TMEM178B: variants seen among roughly 807,000 people sequenced by gnomAD.
The protein encoded by TMEM178B is transmembrane protein 178B.
A neutral mutation model predicts 31.0 loss-of-function variants in TMEM178B; 5 were observed. The observed-to-expected ratio is 0.16, with a 90% CI of 0.08 to 0.34. The LOEUF (loss-of-function observed/expected upper bound fraction) is 0.34. Ranked by LOEUF, TMEM178B falls within the 10% of genes least tolerant of loss-of-function variation. The pLI is 1.00. For synonymous variants in TMEM178B, 164 were observed against 164.0 expected (o/e 1.00, Z 0.00); for missense variants, 275 against 400.3 (o/e 0.69, Z 2.67).
chr7:141,106,532 G>A (rs758160955), intron 1 of TMEM178B, among the ~76,000 whole-genome samples: 34 of 152,280 alleles, frequency 2.2e-4, no homozygotes, highest in African/African-American at 7.7e-4. Flanking sequence ...GTAGGTTGAC[G>A]GGTTGTGAGA....
chr7:141,156,319 A>G (rs970198896), intron 1 of TMEM178B, among the ~76,000 whole-genome samples: 1 of 152,190 alleles, frequency 6.6e-6, no homozygotes, highest in Non-Finnish European at 1.5e-5. Context: ...TGCCATGATT[A>G]TAAGAATTTT....
rs869132131 is a variant in TMEM178B at position 141,438,696 on chromosome 7, T to TAAAAAAAAAA, written c.634+972_634+981dup. On this transcript the variant is annotated intron_variant, in intron 3 of 3. Transcript: ENST00000565468. ...CAGCTTGGTAAAACCCCGTCTCTAC[T>TAAAAAAAAAA]AAAAAAAAAAAAAAAAAAAAAAAAA... Among the ~76,000 whole-genome samples the TAAAAAAAAAA allele has an allele frequency of 6.2e-4, 18 of 29,004 alleles. 2 individuals carry two copies. Among genetic ancestry groups the TAAAAAAAAAA allele is most frequent in the African/African-American group, 1.4e-3 (16 of 11,120 alleles). The allele number at this position is 29,004 out of a possible 152,430, so 19.0% of individuals were successfully genotyped here. A position where few individuals can be genotyped will look rare whatever the true frequency, so the allele number is the denominator to read the frequency against.
chr7:141,387,676 C>CA (rs1800458086), intron 2 of TMEM178B, among the ~76,000 whole-genome samples: 1 of 152,210 alleles, frequency 6.6e-6, no homozygotes, highest in African/African-American at 2.4e-5. Flanking sequence ...CGTATCTGCG[C>CA]ACCCCCGTTC....
At chr7:141,366,954 C>T (rs1470024584) in intron 2 of TMEM178B, among the ~76,000 whole-genome samples, 8 of 152,082 alleles carry the variant, frequency 5.3e-5, no homozygotes, top group Admixed American at 5.2e-4. Context: ...AAGGAGACTG[C>T]TGATGCTAAA....
intron 2 of TMEM178B, chr7:141,414,858 G>A (rs1324819084): frequency 6.6e-6 from 1 of 152,162 alleles, no homozygotes; most frequent in Non-Finnish European, 1.5e-5. Context: ...TTATATGTGT[G>A]CGTTATTATT....
chr7:141,393,756 T>C (rs1365063155), intron 2 of TMEM178B, among the ~76,000 whole-genome samples: 1 of 152,250 alleles, frequency 6.6e-6, no homozygotes, highest in African/African-American at 2.4e-5. Flanking sequence ...GATCATACCC[T>C]TGCTTTCCTT....
intron 1 of TMEM178B, among the ~76,000 whole-genome samples, chr7:141,144,855 C>T (rs1795826886): frequency 6.6e-6 from 1 of 152,140 alleles, no homozygotes; most frequent in East Asian, 1.9e-4. Flanking sequence ...CTCAGTTGGC[C>T]CACAACACCG....
chr7:141,156,531 T>C (rs1377272362), intron 1 of TMEM178B, among the ~76,000 whole-genome samples: 1 of 152,152 alleles, frequency 6.6e-6, no homozygotes, highest in Non-Finnish European at 1.5e-5. Flanking sequence ...ATGGACACCT[T>C]GAAAGATGAT....
chr7:141,388,269 G>C (rs1800470579), intron 2 of TMEM178B, among the ~76,000 whole-genome samples: 1 of 152,090 alleles, frequency 6.6e-6, no homozygotes, highest in South Asian at 2.1e-4. Flanking sequence ...ACTCGCCCTG[G>C]ACCACCCCAC....
chr7:141,186,967 T>A (rs1369612166), intron 1 of TMEM178B, among the ~76,000 whole-genome samples: 1 of 152,046 alleles, frequency 6.6e-6, no homozygotes, highest in Non-Finnish European at 1.5e-5. Context: ...ATACTTTAAG[T>A]TCTAGGGTAC....
chr7:141,465,725 A>G (rs1446125251), intron 3 of TMEM178B, among the ~76,000 whole-genome samples: 1 of 152,100 alleles, frequency 6.6e-6, no homozygotes, highest in African/African-American at 2.4e-5. Flanking sequence ...TAAAAATATA[A>G]ATTATTGGCT....
rs1461543727 is a variant in TMEM178B, at chr7:141,470,452, A to AT, written c.635-82dup. The AT allele has an allele frequency of 4.5e-6, 6 of 1,346,048 alleles. No homozygotes were observed. In the African/African-American group the frequency reaches 8.9e-5, roughly 20 times the overall value. 83.4% of individuals were successfully genotyped at this position (1,346,048 alleles called of 1,614,324 possible). On this transcript the variant is annotated intron_variant, in intron 3 of 3. Transcript: ENST00000565468. ...TCAAGAAAATTGAAAATGTAATAAT[A>AT]TTAACTTTTCTCTTTCTCTCTCCCG... is the stretch of plus-strand genomic sequence containing the variant.
intron 1 of TMEM178B, among the ~76,000 whole-genome samples, chr7:141,094,697 A>T (rs1794930712): frequency 1.3e-5 from 2 of 152,238 alleles, no homozygotes; most frequent in South Asian, 4.1e-4. Flanking sequence ...GGGATCCTTT[A>T]GCCAATGGTT....
chr7:141,074,776 A>G lies in TMEM178B; in HGVS notation c.382+84A>G. ...GCCCCTCGCGTCTCCTTCCCAGGCC[A>G]CAGGCTATCAGGTCTCTGGGTTCCA... On this transcript the variant is annotated intron_variant, in intron 1 of 3. Transcript: ENST00000565468. The surrounding 1 kb of genome is among the most constrained non-coding windows in gnomAD (Gnocchi z 5.1). The G allele has an allele frequency of 7.0e-7, 1 of 1,430,030 alleles. No individual in the cohort carries two copies. Among genetic ancestry groups the G allele is most frequent in the East Asian group, 2.5e-5 (1 of 39,988 alleles). The allele number at this position is 1,430,030 out of a possible 1,614,324, so 88.6% of individuals were successfully genotyped here.
intron 2 of TMEM178B, among the ~76,000 whole-genome samples, chr7:141,349,955 GCATCCATCCATCCATCCATC>G (rs60758674): frequency 2.0e-5 from 3 of 150,120 alleles, no homozygotes; most frequent in Admixed American, 6.6e-5. Flanking sequence ...ATGCATCCAT[GCATCCATCCATCCATCCATC>G]CATCCATCCA....
chr7:141,289,560 A>G (rs767239500), intron 2 of TMEM178B, among the ~76,000 whole-genome samples: 27 of 151,994 alleles, frequency 1.8e-4, no homozygotes, highest in Non-Finnish European at 1.0e-4. Context: ...TACTAAAAAT[A>G]AAAAATTAGC....
chr7:141,105,573 G>A (rs1465852536), intron 1 of TMEM178B, among the ~76,000 whole-genome samples: 1 of 152,026 alleles, frequency 6.6e-6, no homozygotes, highest in African/African-American at 2.4e-5. Context: ...AAATAGAAAT[G>A]CACATTAATA....
chr7:141,184,056 T>C (rs1796571430), intron 1 of TMEM178B, among the ~76,000 whole-genome samples: 1 of 152,236 alleles, frequency 6.6e-6, no homozygotes, highest in Non-Finnish European at 1.5e-5. Flanking sequence ...TTTGTGAGTT[T>C]TCTTGGGGGA....
intron 2 of TMEM178B, among the ~76,000 whole-genome samples, chr7:141,271,835 G>A (rs1242895884): frequency 6.6e-6 from 1 of 152,142 alleles, no homozygotes; most frequent in African/African-American, 2.4e-5. Context: ...GGTTCCTCTA[G>A]TATCTCTCTT....
Sources: allele counts gnomAD v4.1 joint callset (sites outside exome capture counted in the v4.1 genomes callset), GRCh38; gene constraint gnomAD v4.1.1; non-coding constraint Gnocchi (gnomAD v3.1); transcripts MANE v1.5; gene names NCBI Gene and HGNC (gene_info 2026-07-23, HGNC 2026-07-21).